DHRS4L2: variants seen among roughly 807,000 people sequenced by gnomAD.
DHRS4L2 encodes the protein dehydrogenase/reductase 4 like 2, also known as dehydrogenase/reductase SDR family member 4-like 2.
In DHRS4L2, 22 loss-of-function variants were observed where a neutral mutation model predicts 23.9. That is an observed-to-expected ratio of 0.92 (90% CI 0.66 to 1.31). DHRS4L2 has a LOEUF of 1.31. Among genes scored for constraint, DHRS4L2 ranks in the 40% most tolerant of loss-of-function variants. The pLI, the probability that DHRS4L2 is intolerant of heterozygous loss-of-function variation, is 0.00. For synonymous variants in DHRS4L2, 141 were observed against 123.7 expected (o/e 1.14, Z -0.93); for missense variants, 385 against 303.3 (o/e 1.27, Z -2.00).
chr14:23,994,390 A>G (rs1424161438), intron 2 of DHRS4L2, among the ~76,000 whole-genome samples: 1 of 151,640 alleles, frequency 6.6e-6, no homozygotes, highest in East Asian at 1.9e-4. Flanking sequence ...GGTGGGAAGA[A>G]AAGACTGCAA....
At chr14:23,985,399 C>T (rs887696717), upstream of DHRS4L2, among the ~76,000 whole-genome samples, 1 of 151,664 alleles carries the variant, frequency 6.6e-6, no homozygotes, top group Non-Finnish European at 1.5e-5. Context: ...TGGCAGTTGT[C>T]CTAATCCCAC....
At chr14:23,992,463 C>A (rs927664532) in intron 2 of DHRS4L2, among the ~76,000 whole-genome samples, 8 of 151,464 alleles carry the variant, frequency 5.3e-5, no homozygotes, top group African/African-American at 9.7e-5. Context: ...TGTTACCCTG[C>A]AATAAGAAAA....
chr14:23,978,318 C>T (rs1400557412), intron 1 of DHRS4L2, among the ~76,000 whole-genome samples: 8 of 147,032 alleles, frequency 5.4e-5, no homozygotes, highest in Non-Finnish European at 3.0e-5. Flanking sequence ...ATGGAATAGC[C>T]ACACAATAGA....
At chr14:23,988,908 C>T (rs779856716), upstream of DHRS4L2, 5 of 1,606,652 alleles carry the variant, frequency 3.1e-6, no homozygotes, top group South Asian at 4.4e-5. Context: ...TCTGTCACCT[C>T]CGCTGGAAGG....
intron 5 of DHRS4L2, 50 bp from the exon 6 acceptor site, chr14:24,001,334 C>T (rs767675148): frequency 1.3e-6 from 2 of 1,586,452 alleles, no homozygotes; most frequent in African/African-American, 1.4e-5. Context: ...TTATTAGAAC[C>T]AAGAATGACC....
intron 1 of DHRS4L2, among the ~76,000 whole-genome samples, chr14:23,981,657 T>A (rs2034055314): frequency 1.3e-5 from 2 of 151,370 alleles, no homozygotes. Context: ...AGTCTCTGAG[T>A]TCCCTCAGCA....
At chr14:23,972,705 A>T (rs1340427962) in intron 1 of DHRS4L2, among the ~76,000 whole-genome samples, 2 of 151,978 alleles carry the variant, frequency 1.3e-5, no homozygotes, top group Non-Finnish European at 2.9e-5. Flanking sequence ...CGCTCAGCAT[A>T]CCAAGGACCT....
At chr14:23,988,728 C>A (rs2034198377), upstream of DHRS4L2, 3 of 1,331,324 alleles carry the variant, frequency 2.3e-6, no homozygotes, top group Non-Finnish European at 2.9e-6. Flanking sequence ...TGATCACTCA[C>A]CAGCCCGGGA....
At chr14:23,976,965 G>C (rs200374463) in intron 1 of DHRS4L2, among the ~76,000 whole-genome samples, 2 of 151,686 alleles carry the variant, frequency 1.3e-5, no homozygotes, top group Non-Finnish European at 2.9e-5. Flanking sequence ...GGGCTGGGGG[G>C]CTGGGAGAGG....
chr14:23,993,390 G>C (rs951725507), intron 2 of DHRS4L2, among the ~76,000 whole-genome samples: 9 of 151,682 alleles, frequency 5.9e-5, no homozygotes, highest in Non-Finnish European at 1.2e-4. Flanking sequence ...ACTGAGCTTA[G>C]CACCTAGTTA....
chr14:23,987,904 T>G (rs28402786), upstream of DHRS4L2, among the ~76,000 whole-genome samples: 49,991 of 150,382 alleles, frequency 0.33, 9,753 homozygotes, highest in African/African-American at 0.5. Context: ...AAGCCATCCA[T>G]ATTTATTCAT....
At chr14:23,985,621 T>TA (rs2034125852), upstream of DHRS4L2, among the ~76,000 whole-genome samples, 1 of 151,740 alleles carries the variant, frequency 6.6e-6, no homozygotes, top group African/African-American at 2.4e-5. Flanking sequence ...ACCACCTCCA[T>TA]ACAAGAACAA....
chr14:23,989,200 A>G (rs975766635), intron 1 of DHRS4L2, 125 bp downstream of exon 1: 1 of 1,470,580 alleles, frequency 6.8e-7, no homozygotes, highest in African/African-American at 1.4e-5. Context: ...GCCATGGAAA[A>G]AAAGTAGCCA....
At chr14:23,996,893 C>A (rs1298363000) in intron 3 of DHRS4L2, among the ~76,000 whole-genome samples, 1 of 151,988 alleles carries the variant, frequency 6.6e-6, no homozygotes, top group Non-Finnish European at 1.5e-5. Context: ...CCTCAGCCCC[C>A]CAAAATATTG....
chr14:23,999,367 A>AAAAAAAAAAAACAAAAC (rs1555330042), intron 3 of DHRS4L2, among the ~76,000 whole-genome samples: 51 of 116,762 alleles, frequency 4.4e-4, no homozygotes, highest in Middle Eastern at 5.3e-3. Context: ...AAAAAAAAAA[A>AAAAAAAAAAAACAAAAC]AAAAAAACAA....
chr14:23,993,542 C>T (rs576482481), intron 2 of DHRS4L2, among the ~76,000 whole-genome samples: 5 of 151,602 alleles, frequency 3.3e-5, no homozygotes, highest in South Asian at 2.1e-4. Flanking sequence ...TTGCCAGTTC[C>T]GGGCAAATGC....
chr14:24,001,255 C>G (rs1457989025), intron 5 of DHRS4L2, 129 bp from the exon 6 acceptor site: 4 of 1,566,748 alleles, frequency 2.6e-6, no homozygotes, highest in Non-Finnish European at 2.6e-6. Context: ...GGTTTAGCCA[C>G]AAGACAGTTT....
intron 3 of DHRS4L2, among the ~76,000 whole-genome samples, chr14:23,995,432 C>T (rs1171037797): frequency 4.0e-5 from 6 of 151,878 alleles, no homozygotes; most frequent in Admixed American, 6.5e-5. Context: ...CCAACAGAGA[C>T]GTAGGCAGCT....
chr14:23,988,365 A>T (rs1457778554), upstream of DHRS4L2, among the ~76,000 whole-genome samples: 1 of 147,784 alleles, frequency 6.8e-6, no homozygotes, highest in Non-Finnish European at 1.5e-5. Context: ...GTGAAGATGG[A>T]AGAGACCTTG....
Sources: allele counts gnomAD v4.1 joint callset (sites outside exome capture counted in the v4.1 genomes callset), GRCh38; gene constraint gnomAD v4.1.1; transcripts MANE v1.5; gene names NCBI Gene and HGNC (gene_info 2026-07-23, HGNC 2026-07-21).